Variants in TMEM179 observed in about 807,000 individuals in gnomAD.
The protein encoded by TMEM179 is transmembrane protein 179.
TMEM179 carries 17 observed loss-of-function variants against 22.2 expected under a neutral mutation model. The observed-to-expected ratio is 0.77, with a 90% CI of 0.52 to 1.15. The LOEUF is 1.15. Among genes scored for constraint, TMEM179 ranks in the 50% most tolerant of loss-of-function variants. The pLI is 0.00. For synonymous variants in TMEM179, 127 were observed against 140.5 expected, an observed-to-expected ratio of 0.90 and a Z score of 0.68; for missense variants, 265 against 313.6, an observed-to-expected ratio of 0.84 and a Z score of 1.17.
chr14:104,597,337 G>A lies in TMEM179; in HGVS notation c.306-210C>T, dbSNP rs928723479. ...TTGTTCCCCCTGCCTGCGGTCCCTC[G>A]GGCAGCTCCGTGTGCCCACCCTGGG... On this transcript the variant is annotated intron_variant, in intron 1 of 3. Coordinates refer to ENST00000556573, the MANE Select transcript of TMEM179 (RefSeq NM_001286389.2). This position sits in a 1 kb window ranked among gnomAD's most constrained non-coding sequence, Gnocchi z 4.8. 6.6e-6 allele frequency among the ~76,000 whole-genome samples: 1 copy of A among 151,956 alleles called. No homozygotes were observed. The highest frequency in any genetic ancestry group is 2.4e-5 in the African/African-American group (1 of 41,316).
At chr14:104,598,200 C>A (rs756443945) in intron 1 of TMEM179, among the ~76,000 whole-genome samples, 3 of 152,134 alleles carry the variant, frequency 2.0e-5, no homozygotes, top group Admixed American at 2.0e-4. Context: ...GGAATGCACA[C>A]GGAGGCTCCG....
intron 1 of TMEM179, among the ~76,000 whole-genome samples, chr14:104,603,135 G>T (rs144242074): frequency 6.6e-6 from 1 of 152,274 alleles, no homozygotes; most frequent in East Asian, 1.9e-4. Flanking sequence ...ACCCACAGGC[G>T]CTGGGATTCT....
chr14:104,596,156 C>G lies in TMEM179; in HGVS notation c.443+834G>C, dbSNP rs561142055. The stretch of plus-strand genomic sequence containing the variant: ...GCTACCCCAGGGTGGAGGCACGGAA[C>G]AGACAGGCAGGGAGCCCCTTCAGCT... On this transcript the variant is annotated intron_variant, in intron 2 of 3. Coordinates refer to ENST00000556573, the MANE Select transcript of TMEM179 (RefSeq NM_001286389.2). 4.2e-3 allele frequency among the ~76,000 whole-genome samples: 646 copies of G among 152,384 alleles called. 4 individuals are homozygous for G. Among genetic ancestry groups the G allele is most frequent in the Middle Eastern group, 0.024 (7 of 294 alleles).
intron 1 of TMEM179, among the ~76,000 whole-genome samples, chr14:104,598,387 G>A (rs1887115142): frequency 6.6e-6 from 1 of 152,246 alleles, no homozygotes; most frequent in African/African-American, 2.4e-5. Context: ...TGGATCTAAG[G>A]GAGGTGACCC....
chr14:104,593,183 C>T lies in TMEM179; in HGVS notation c.*296G>A. The T allele has an allele frequency of 4.1e-6, 2 of 489,498 alleles. No homozygotes were observed. The highest frequency in any genetic ancestry group is 7.3e-6 in the Non-Finnish European group (2 of 274,882). The allele number at this position is 489,498 out of a possible 1,614,324, so 30.3% of individuals were successfully genotyped here. On this transcript the variant is annotated 3_prime_UTR_variant, in exon 4 of 4. Coordinates refer to ENST00000556573, the MANE Select transcript of TMEM179 (RefSeq NM_001286389.2). ...TCCACATAGGCTGGCCAGTCAGGTC[C>T]TACTGGGACAGCCAAGGGGCCCTGT... is the stretch of plus-strand genomic sequence containing the variant.
intron 3 of TMEM179, chr14:104,594,362 C>G: frequency 8.1e-7 from 1 of 1,231,752 alleles, no homozygotes; most frequent in Non-Finnish European, 1.0e-6. Context: ...CCAGCAAGAG[C>G]CTTCAGAGGC....
rs892266829 is a variant in TMEM179 at position 104,593,662 on chromosome 14, C to T, written c.523-4G>A. On this transcript the variant is annotated splice_region_variant and splice_polypyrimidine_tract_variant and intron_variant, in intron 3 of 3. Transcript: ENST00000556573. ...GCCATGAGGCCCAGAGGCCAAACTG[C>T]ACAGAGGGCAGGGTCAGGGTCAGAA... is the stretch of plus-strand genomic sequence containing the variant. 2.0e-5 allele frequency: 29 copies of T among 1,467,414 alleles called. No individual in the cohort carries two copies. The Admixed American group carries it at 3.2e-4, about 16-fold the overall frequency. The allele number at this position is 1,467,414 out of a possible 1,614,324, so 90.9% of individuals were successfully genotyped here.
intron 3 of TMEM179, chr14:104,594,509 T>G: frequency 4.1e-6 from 5 of 1,231,668 alleles, no homozygotes; most frequent in South Asian, 4.1e-5. Flanking sequence ...TCTGCAGATT[T>G]CAAGGGGCAA....
chr14:104,600,422 A>T (rs1452263657), intron 1 of TMEM179, among the ~76,000 whole-genome samples: 1 of 152,190 alleles, frequency 6.6e-6, no homozygotes, highest in Non-Finnish European at 1.5e-5. Flanking sequence ...GATGAGTTTA[A>T]CGCAGCATCC....
rs548543782 is a variant in TMEM179, at chr14:104,597,962, T to G, written c.306-835A>C. On this transcript the variant is annotated intron_variant, in intron 1 of 3. Transcript: ENST00000556573. The surrounding 1 kb of genome is among the most constrained non-coding windows in gnomAD (Gnocchi z 4.8). ...GGAGGCAGGGCCATGAGGAAGGAGC[T>G]CACTTAGGGCTGGGCCACACTGCCC... 8.1e-4 allele frequency among the ~76,000 whole-genome samples: 123 copies of G among 152,188 alleles called. 2 individuals carry two copies. The highest frequency in any genetic ancestry group is 8.0e-3 in the Admixed American group (123 of 15,300).
At position 104,595,393 on chromosome 14, in the gene TMEM179, G is replaced by A. The variant is rs571928498; in HGVS notation, c.444-150C>T. 1 of 722,472 alleles carries A rather than the reference G, an allele frequency of 1.4e-6. No individual in the cohort carries two copies. Among genetic ancestry groups the A allele is most frequent in the Non-Finnish European group, 2.2e-6 (1 of 445,754 alleles). The allele number at this position is 722,472 out of a possible 1,614,324, so 44.8% of individuals were successfully genotyped here. ...GGGAGTCTCTGGGGACATCACGGAGGGTTAGCCTCGATGCCTCCTCCATGG... is the reference window on the plus strand; with the variant it reads ...GGGAGTCTCTGGGGACATCACGGAGAGTTAGCCTCGATGCCTCCTCCATGG... On this transcript the variant is annotated intron_variant, in intron 2 of 3. Transcript: ENST00000556573. This position sits in a 1 kb window ranked among gnomAD's most constrained non-coding sequence, Gnocchi z 5.7.
intron 3 of TMEM179, chr14:104,594,073 G>T (rs1886933164): frequency 6.5e-6 from 8 of 1,232,984 alleles, no homozygotes; most frequent in Non-Finnish European, 7.1e-6. Flanking sequence ...TTGACCTTTA[G>T]CCGCTGTTTC....
chr14:104,604,319 T>A lies in TMEM179; in HGVS notation c.305+118A>T. 8.6e-7 allele frequency: 1 copy of A among 1,161,874 alleles called. No individual in the cohort carries two copies. The highest frequency in any genetic ancestry group is 3.0e-5 in the East Asian group (1 of 32,906). 72.0% of individuals were successfully genotyped at this position (1,161,874 alleles called of 1,614,324 possible). A position where few individuals can be genotyped will look rare whatever the true frequency, so the allele number is the denominator to read the frequency against. On this transcript the variant is annotated intron_variant, in intron 1 of 3. Coordinates refer to ENST00000556573, the MANE Select transcript of TMEM179 (RefSeq NM_001286389.2). This position sits in a 1 kb window ranked among gnomAD's most constrained non-coding sequence, Gnocchi z 4.6. Reference sequence around the variant, plus strand: ...AGGGGGTGAGGGCGGATTGTTGACATTTGCGGGCCTCGGAGCTGCCTGAGA... The same window carrying A: ...AGGGGGTGAGGGCGGATTGTTGACAATTGCGGGCCTCGGAGCTGCCTGAGA...
rs572539428 is a variant in TMEM179 at position 104,604,052 on chromosome 14, T to C, written c.305+385A>G. 2.0e-5 allele frequency among the ~76,000 whole-genome samples: 3 copies of C among 152,262 alleles called. No individual in the cohort carries two copies. The East Asian group carries it at 5.8e-4, about 29-fold the overall frequency. ...TGTCACTGGGACCTGGAGAGCTCAG[T>C]GCAAGCCCTAGACCGGGCTGGGAGT... On this transcript the variant is annotated intron_variant, in intron 1 of 3. Coordinates refer to ENST00000556573, the MANE Select transcript of TMEM179 (RefSeq NM_001286389.2). This position sits in a 1 kb window ranked among gnomAD's most constrained non-coding sequence, Gnocchi z 4.6.
intron 3 of TMEM179, chr14:104,594,833 G>A (rs1886963031): frequency 3.1e-6 from 4 of 1,290,822 alleles, no homozygotes; most frequent in Non-Finnish European, 3.9e-6. Flanking sequence ...CCCTACACTG[G>A]ACCCCCAGGA....
rs576982664 is a variant in TMEM179 at position 104,601,509 on chromosome 14, T to C, written c.305+2928A>G. ...TGGCCTGAGATGGCTCTTGAGAGCG[T>C]TAACCTTCGCCTACAACCAGAACTC... On this transcript the variant is annotated intron_variant, in intron 1 of 3. Transcript: ENST00000556573. 1.3e-4 allele frequency among the ~76,000 whole-genome samples: 20 copies of C among 152,222 alleles called. No individual in the cohort carries two copies. The South Asian group carries it at 2.3e-3, about 17-fold the overall frequency.
chr14:104,594,564 G>A (rs1454228827), intron 3 of TMEM179: 3 of 1,230,642 alleles, frequency 2.4e-6, no homozygotes, highest in Middle Eastern at 6.2e-4. Context: ...GGCCACTGAT[G>A]TGTCCCCACA....
In TMEM179 at chr14:104,604,627, A is replaced by C; in HGVS notation, c.115T>G (p.Cys39Gly). Residue 39 changes from cysteine (C) to glycine (G), a missense_variant, in exon 1 of 4, where the codon TGC becomes GGC. Coordinates refer to ENST00000556573, the MANE Select transcript of TMEM179 (RefSeq NM_001286389.2). The surrounding 1 kb of genome is among the most constrained non-coding windows in gnomAD (Gnocchi z 4.6). ...CACATGCCCTCGGTGAAGAGCAGGC[A>C]GCGGCCGCGGAAGTCGTGGCCGTTC... ...SENGHDFRGR[C>G]LLFTEGMWLS... 6.3e-7 allele frequency: 1 copy of C among 1,577,534 alleles called. No homozygotes were observed. The highest frequency in any genetic ancestry group is 8.6e-7 in the Non-Finnish European group (1 of 1,164,852).
intron 2 of TMEM179, 89 bp downstream of exon 2, chr14:104,596,901 C>T (rs565280016): frequency 1.1e-5 from 17 of 1,518,030 alleles, no homozygotes; most frequent in South Asian, 1.1e-4. Context: ...GGATGGGCTT[C>T]GTGAGGGAAG....
Sources: allele counts gnomAD v4.1 joint callset (sites outside exome capture counted in the v4.1 genomes callset), GRCh38; gene constraint gnomAD v4.1.1; non-coding constraint Gnocchi (gnomAD v3.1); transcripts MANE v1.5; gene names NCBI Gene and HGNC (gene_info 2026-07-23, HGNC 2026-07-21).